FRMD4B: variants seen among roughly 807,000 people sequenced by gnomAD.
FRMD4B encodes the protein FERM domain containing 4B, also known as FERM domain-containing protein 4B.
FRMD4B carries 74 observed loss-of-function variants against 141.5 expected under a neutral mutation model. The observed-to-expected ratio is 0.52, with a 90% CI of 0.43 to 0.63. The LOEUF (loss-of-function observed/expected upper bound fraction) is 0.63, where lower values mean the gene tolerates loss of function less well. Ranked by LOEUF, FRMD4B falls within the 30% of genes least tolerant of loss-of-function variation. The pLI, the probability that FRMD4B is intolerant of heterozygous loss-of-function variation, is 0.00. For missense variants in FRMD4B, 1,366 were observed against 1,253.4 expected, an observed-to-expected ratio of 1.09 and a Z score of -1.36; for synonymous variants, 506 against 467.9, an observed-to-expected ratio of 1.08 and a Z score of -1.05.
At chr3:69,337,459 G>A (rs1029605781) in intron 1 of FRMD4B, among the ~76,000 whole-genome samples, 5 of 152,094 alleles carry the variant, frequency 3.3e-5, no homozygotes, top group African/African-American at 4.8e-5. Context: ...GACAAATGGG[G>A]TCTAATTAAA....
chr3:69,448,375 A>C (rs1705442656), intron 1 of FRMD4B, among the ~76,000 whole-genome samples: 1 of 152,182 alleles, frequency 6.6e-6, no homozygotes, highest in South Asian at 2.1e-4. Context: ...GCTTTTCAGT[A>C]AATACTCTGG....
intron 1 of FRMD4B, among the ~76,000 whole-genome samples, chr3:69,495,786 C>T (rs1408418030): frequency 6.6e-6 from 1 of 152,128 alleles, no homozygotes; most frequent in Non-Finnish European, 1.5e-5. Context: ...GTGATGATTT[C>T]AACTATGAAA....
intron 5 of FRMD4B, 143 bp from the exon 6 acceptor site, chr3:69,250,242 G>T (rs562222959): frequency 5.6e-6 from 4 of 718,744 alleles, no homozygotes; most frequent in East Asian, 2.5e-5. Context: ...GGGAAAGTGG[G>T]GGGTGTGGAG....
intron 9 of FRMD4B, among the ~76,000 whole-genome samples, chr3:69,220,236 A>G (rs959598714): frequency 1.3e-5 from 2 of 152,246 alleles, no homozygotes; most frequent in Non-Finnish European, 2.9e-5. Context: ...CTAGGCTACC[A>G]ACCTGTACAG....
chr3:69,319,447 A>C (rs1701923499), intron 1 of FRMD4B, among the ~76,000 whole-genome samples: 1 of 152,192 alleles, frequency 6.6e-6, no homozygotes. Context: ...AATATTACTG[A>C]CCCATTTTAA....
chr3:69,196,184 G>A (rs752850260), intron 14 of FRMD4B, 71 bp downstream of exon 14: 156 of 1,150,970 alleles, frequency 1.4e-4, no homozygotes, highest in East Asian at 1.3e-3. Context: ...GATGAATTTC[G>A]AAGTGGTTTA....
At chr3:69,384,704 T>C (rs1704206219) in intron 1 of FRMD4B, among the ~76,000 whole-genome samples, 1 of 152,218 alleles carries the variant, frequency 6.6e-6, no homozygotes, top group African/African-American at 2.4e-5. Context: ...GTTCAAATGT[T>C]CCTCATATTT....
chr3:69,480,419 T>G (rs9682267), intron 1 of FRMD4B, among the ~76,000 whole-genome samples: 60,642 of 152,020 alleles, frequency 0.4, 12,165 homozygotes, highest in East Asian at 0.45. Context: ...TAGTTTTCCT[T>G]CTAACAGACA....
At chr3:69,346,286 G>C (rs1186508812) in intron 1 of FRMD4B, among the ~76,000 whole-genome samples, 1 of 152,236 alleles carries the variant, frequency 6.6e-6, no homozygotes, top group African/African-American at 2.4e-5. Flanking sequence ...AGAGAAAAAA[G>C]AGTAAAAAGA....
At chr3:69,465,810 G>A (rs913501486) in intron 1 of FRMD4B, among the ~76,000 whole-genome samples, 1 of 152,122 alleles carries the variant, frequency 6.6e-6, no homozygotes, top group Non-Finnish European at 1.5e-5. Flanking sequence ...ATTTGGGTTG[G>A]TTCCAAGTCT....
At chr3:69,315,244 T>C (rs1293125041) in intron 1 of FRMD4B, among the ~76,000 whole-genome samples, 1 of 152,218 alleles carries the variant, frequency 6.6e-6, no homozygotes, top group Non-Finnish European at 1.5e-5. Flanking sequence ...AAACAATGCA[T>C]AGAATGCCAA....
At chr3:69,522,308 C>G (rs1414483496) in intron 1 of FRMD4B, among the ~76,000 whole-genome samples, 4 of 151,952 alleles carry the variant, frequency 2.6e-5, no homozygotes, top group Non-Finnish European at 5.9e-5. Context: ...GTCAGCCAAG[C>G]CTGGGGGTCT....
chr3:69,519,997 CATATATAT>C lies in FRMD4B; in HGVS notation c.-129+22201_-129+22208del, dbSNP rs71618288. On this transcript the variant is annotated intron_variant, in intron 1 of 5. Transcript: ENST00000459638. ...TCCTTTTTGTGGCTGAGTAGTATTC[CATATATAT>C]ATATATATATATATATATATTCCAT... Among the ~76,000 whole-genome samples the C allele has an allele frequency of 2.4e-3, 213 of 88,324 alleles. 12 individuals are homozygous for C. The highest frequency in any genetic ancestry group is 9.4e-3 in the East Asian group (24 of 2,548). The allele number at this position is 88,324 out of a possible 152,430, so 57.9% of individuals were successfully genotyped here.
At chr3:69,195,812 A>G (rs180825503) in intron 14 of FRMD4B, among the ~76,000 whole-genome samples, 1 of 152,230 alleles carries the variant, frequency 6.6e-6, no homozygotes, top group Non-Finnish European at 1.5e-5. Flanking sequence ...TCATTTTAGT[A>G]AAGTTACATA....
intron 1 of FRMD4B, among the ~76,000 whole-genome samples, chr3:69,485,151 G>A (rs906437037): frequency 3.9e-5 from 6 of 152,230 alleles, no homozygotes; most frequent in African/African-American, 1.4e-4. Flanking sequence ...CAGAGCAGCA[G>A]GGGGCTGGCA....
At chr3:69,502,342 C>T (rs1008422905) in intron 1 of FRMD4B, among the ~76,000 whole-genome samples, 2 of 152,076 alleles carry the variant, frequency 1.3e-5, no homozygotes, top group African/African-American at 4.8e-5. Context: ...AGATATAGAC[C>T]AATGGAACAG....
At chr3:69,383,918 G>C (rs1287521508) in intron 1 of FRMD4B, among the ~76,000 whole-genome samples, 1 of 151,558 alleles carries the variant, frequency 6.6e-6, no homozygotes, top group Admixed American at 6.6e-5. Flanking sequence ...ATTTTGAAAT[G>C]TACAATTGAT....
At chr3:69,248,525 G>T (rs556853257) in intron 7 of FRMD4B, among the ~76,000 whole-genome samples, 4 of 152,202 alleles carry the variant, frequency 2.6e-5, no homozygotes, top group Non-Finnish European at 5.9e-5. Context: ...AATAATCTAC[G>T]AGTAACGTCT....
At chr3:69,469,152 G>C (rs1357641548) in intron 1 of FRMD4B, among the ~76,000 whole-genome samples, 2 of 152,070 alleles carry the variant, frequency 1.3e-5, no homozygotes, top group South Asian at 2.1e-4. Context: ...TGCAAGGGAG[G>C]CTCGGGGATG....
Sources: allele counts gnomAD v4.1 joint callset (sites outside exome capture counted in the v4.1 genomes callset), GRCh38; gene constraint gnomAD v4.1.1; transcripts MANE v1.5; gene names NCBI Gene and HGNC (gene_info 2026-07-23, HGNC 2026-07-21).